The following CSMD3 variants were observed in gnomAD, a reference collection of about 807,000 sequenced individuals.
CSMD3 encodes the protein CUB and Sushi multiple domains 3.
Under a neutral mutation model 435.2 loss-of-function variants are expected in CSMD3, and 177 were observed. The observed-to-expected ratio is 0.41, with a 90% confidence interval of 0.36 to 0.46. CSMD3 has a LOEUF of 0.46. Ranked by LOEUF, CSMD3 falls within the 20% of genes least tolerant of loss-of-function variation. The pLI is 0.34. For synonymous variants in CSMD3, 1,656 were observed against 1,520.5 expected (o/e 1.09, Z -2.07); for missense variants, 4,265 against 4,504.6 (o/e 0.95, Z 1.52).
intron 53 of CSMD3, among the ~76,000 whole-genome samples, chr8:112,296,982 GAAGAA>G (rs1820356686): frequency 6.6e-6 from 1 of 151,312 alleles, no homozygotes; most frequent in Non-Finnish European, 1.5e-5. Context: ...TAACACTTCA[GAAGAA>G]AAGAAAAAAA....
At chr8:113,142,579 A>G (rs758272819) in intron 4 of CSMD3, among the ~76,000 whole-genome samples, 14 of 151,156 alleles carry the variant, frequency 9.3e-5, no homozygotes, top group Non-Finnish European at 1.5e-4. Flanking sequence ...TCAAAAAACA[A>G]AACAACCTGG....
At chr8:113,397,821 AAAATAAAT>A (rs10615805) in intron 1 of CSMD3, among the ~76,000 whole-genome samples, 53,829 of 142,880 alleles carry the variant, frequency 0.38, 10,302 homozygotes, top group African/African-American at 0.42. Flanking sequence ...GTCCGTCTCA[AAAATAAAT>A]AAATAAATAA....
At chr8:112,928,144 T>C (rs552989052) in intron 9 of CSMD3, among the ~76,000 whole-genome samples, 6 of 152,186 alleles carry the variant, frequency 3.9e-5, no homozygotes, top group Admixed American at 1.3e-4. Context: ...TAAAACAGTA[T>C]ACTCAAAAAT....
At chr8:112,950,555 T>A (rs1413505554) in intron 8 of CSMD3, among the ~76,000 whole-genome samples, 1 of 152,006 alleles carries the variant, frequency 6.6e-6, no homozygotes, top group African/African-American at 2.4e-5. Flanking sequence ...TAAATGATAG[T>A]TAACACTTAC....
intron 5 of CSMD3, among the ~76,000 whole-genome samples, chr8:113,088,185 G>A (rs944735283): frequency 2.0e-5 from 3 of 149,640 alleles, no homozygotes; most frequent in African/African-American, 4.9e-5. Flanking sequence ...AGTTAGAATG[G>A]CAATCATTAA....
chr8:112,638,964 A>T (rs2074741338), intron 20 of CSMD3, 53 bp from the exon 21 acceptor site: 2 of 1,241,272 alleles, frequency 1.6e-6, no homozygotes, highest in Non-Finnish European at 1.2e-6. Flanking sequence ...TAAAACACAG[A>T]GAGTTACTGT....
intron 37 of CSMD3, among the ~76,000 whole-genome samples, chr8:112,380,852 T>C (rs1411952587): frequency 2.0e-5 from 3 of 152,196 alleles, no homozygotes; most frequent in Non-Finnish European, 2.9e-5. Flanking sequence ...AACATGAATG[T>C]TTGCAATGAT....
chr8:112,970,707 T>C (rs2084618667), intron 7 of CSMD3, among the ~76,000 whole-genome samples: 1 of 151,412 alleles, frequency 6.6e-6, no homozygotes, highest in Admixed American at 6.6e-5. Context: ...CAAACATTAA[T>C]TCAGCTTGCT....
At chr8:113,143,217 G>A (rs1040427104) in intron 4 of CSMD3, among the ~76,000 whole-genome samples, 4 of 151,258 alleles carry the variant, frequency 2.6e-5, no homozygotes, top group African/African-American at 9.7e-5. Context: ...CACACAAAAA[G>A]GTGTTAGACA....
intron 45 of CSMD3, among the ~76,000 whole-genome samples, chr8:112,327,529 T>C (rs1177965823): frequency 6.6e-6 from 1 of 152,184 alleles, no homozygotes; most frequent in African/African-American, 2.4e-5. Flanking sequence ...TTTTCATGGA[T>C]TGTTCTATTT....
chr8:112,420,702 A>T (rs1158297853), intron 32 of CSMD3, among the ~76,000 whole-genome samples: 2 of 152,190 alleles, frequency 1.3e-5, no homozygotes, highest in Non-Finnish European at 2.9e-5. Context: ...GCTGTTGGTG[A>T]GAGTTAATTT....
Position 112,672,219 on chromosome 8 carries a change from C to T in CSMD3, c.2678-5804G>A, listed in dbSNP as rs979810081. On this transcript the variant is annotated intron_variant, in intron 16 of 70. Transcript: ENST00000297405. The stretch of plus-strand genomic sequence containing the variant: ...GTTTAGATTAAAAAATGAATACAAG[C>T]AAAACAGGCTTAACAGAAGTGGGAC... Among the ~76,000 whole-genome samples, 2 of 152,050 alleles carry T rather than the reference C, an allele frequency of 1.3e-5. 1 individual carries two copies. Among genetic ancestry groups the T allele is most frequent in the Admixed American group, 1.3e-4 (2 of 15,240 alleles).
intron 59 of CSMD3, among the ~76,000 whole-genome samples, chr8:112,268,722 A>G (rs1341687508): frequency 6.6e-6 from 1 of 152,194 alleles, no homozygotes; most frequent in African/African-American, 2.4e-5. Flanking sequence ...GAGCATCATT[A>G]CATATGTATG....
At chr8:112,248,649 A>C (rs1814982740) in intron 63 of CSMD3, among the ~76,000 whole-genome samples, 1 of 152,116 alleles carries the variant, frequency 6.6e-6, no homozygotes, top group African/African-American at 2.4e-5. Context: ...TCTTGAGCGG[A>C]CAATAAGAAG....
chr8:112,678,324 G>A (rs1023994961), intron 16 of CSMD3, among the ~76,000 whole-genome samples: 1 of 152,132 alleles, frequency 6.6e-6, no homozygotes, highest in African/African-American at 2.4e-5. Context: ...GACATTTTCT[G>A]CCTGTGTGTT....
chr8:113,279,926 C>A (rs1047784978), intron 2 of CSMD3, among the ~76,000 whole-genome samples: 1 of 151,472 alleles, frequency 6.6e-6, no homozygotes, highest in African/African-American at 2.4e-5. Context: ...GAGATGATCA[C>A]GTGAATTTTG....
chr8:112,642,118 C>T (rs1050125793), intron 20 of CSMD3, among the ~76,000 whole-genome samples: 1 of 151,892 alleles, frequency 6.6e-6, no homozygotes, highest in African/African-American at 2.4e-5. Context: ...TACTTAAAGT[C>T]AAAATAGCGT....
intron 27 of CSMD3, among the ~76,000 whole-genome samples, chr8:112,524,999 T>C (rs1375640450): frequency 1.3e-5 from 2 of 151,886 alleles, no homozygotes; most frequent in Non-Finnish European, 2.9e-5. Flanking sequence ...AACATTTTTA[T>C]ATATTTTAAA....
chr8:112,757,021 G>C (rs905799213), intron 13 of CSMD3, among the ~76,000 whole-genome samples: 1 of 151,846 alleles, frequency 6.6e-6, no homozygotes, highest in Admixed American at 6.6e-5. Context: ...CACCTGCCTC[G>C]GCCTCCCAAA....
Sources: allele counts gnomAD v4.1 joint callset (sites outside exome capture counted in the v4.1 genomes callset), GRCh38; gene constraint gnomAD v4.1.1; transcripts MANE v1.5; gene names NCBI Gene and HGNC (gene_info 2026-07-23, HGNC 2026-07-21).